The following GAP43 variants were observed in gnomAD, a reference collection of about 807,000 sequenced individuals.
The protein encoded by GAP43 is growth associated protein 43, also known as neuromodulin.
GAP43 carries 6 observed loss-of-function variants against 18.6 expected under a neutral mutation model. The observed-to-expected ratio is 0.32, with a 90% confidence interval of 0.18 to 0.64. The LOEUF is 0.64. Ranked by LOEUF, GAP43 falls within the 30% of genes least tolerant of loss-of-function variation. The pLI is 0.78. For synonymous variants in GAP43, 115 were observed against 111.4 expected (o/e 1.03, Z -0.20); for missense variants, 292 against 295.5 (o/e 0.99, Z 0.09).
rs778927798 is a variant in GAP43 at position 115,720,858 on chromosome 3, T to C, written c.693T>C (p.Pro231=). 14 of 1,612,584 alleles carry C rather than the reference T, an allele frequency of 8.7e-6. No homozygotes were observed. In the Middle Eastern group the frequency reaches 2.0e-3, roughly 229 times the overall value. The change falls in exon 3 of 3, where the codon CCT becomes CCC. Residue 231 remains proline (P), a synonymous_variant. Transcript: ENST00000305124. ...ARQDEGKEEE[P]EADQEHA ...AGGACGAGGGTAAAGAAGAGGAACCTGAGGCTGACCAAGAACATGCCTGAA... is the reference window on the plus strand; with the variant it reads ...AGGACGAGGGTAAAGAAGAGGAACCCGAGGCTGACCAAGAACATGCCTGAA...
chr3:115,696,716 C>G (rs763578172), intron 2 of GAP43, among the ~76,000 whole-genome samples: 1 of 151,972 alleles, frequency 6.6e-6, no homozygotes, highest in African/African-American at 2.4e-5. Context: ...TCAGATATCA[C>G]CTTCTCAAAG....
In GAP43 at chr3:115,698,066, T is replaced by TAA. The variant is rs1709225308; in HGVS notation, c.628+21456_628+21457insAA. ...TATTATATATTATATAAAATATATA[T>TAA]TATATATAATATATAAAATATGTAT... On this transcript the variant is annotated intron_variant, in intron 2 of 2. Coordinates refer to ENST00000305124, the MANE Select transcript of GAP43 (RefSeq NM_002045.4). 6.9e-5 allele frequency among the ~76,000 whole-genome samples: 4 copies of TAA among 58,152 alleles called. No individual in the cohort carries two copies. In the Admixed American group the frequency reaches 1.0e-3, roughly 15 times the overall value. 38.1% of individuals were successfully genotyped at this position (58,152 alleles called of 152,430 possible).
chr3:115,706,758 C>G lies in GAP43; in HGVS notation c.629-14036C>G, dbSNP rs142314700. 6.6e-5 allele frequency among the ~76,000 whole-genome samples: 10 copies of G among 152,226 alleles called. 1 individual carries two copies. In the East Asian group the frequency reaches 1.9e-3, roughly 29 times the overall value. On this transcript the variant is annotated intron_variant, in intron 2 of 2. Coordinates refer to ENST00000305124, the MANE Select transcript of GAP43 (RefSeq NM_002045.4). ...ACTATTCTTTTTTTCACTCCACAAG[C>G]AGAAACTTTACAAGTCAGAGACTCT...
At chr3:115,662,512 A>C (rs976258440) in intron 1 of GAP43, among the ~76,000 whole-genome samples, 1 of 152,160 alleles carries the variant, frequency 6.6e-6, no homozygotes, top group South Asian at 2.1e-4. Context: ...AACCACAGAG[A>C]GAGTTGGCTA....
intron 1 of GAP43, among the ~76,000 whole-genome samples, chr3:115,668,502 G>T (rs528313810): frequency 1.3e-5 from 2 of 152,080 alleles, no homozygotes; most frequent in African/African-American, 4.8e-5. Context: ...TCAGCTCATC[G>T]CAACCTCCGC....
chr3:115,684,271 G>A (rs1709006508), intron 2 of GAP43, among the ~76,000 whole-genome samples: 1 of 151,924 alleles, frequency 6.6e-6, no homozygotes, highest in Non-Finnish European at 1.5e-5. Context: ...TTGGAATTTG[G>A]AATAGAAACC....
chr3:115,696,717 CT>C (rs925581050), intron 2 of GAP43, among the ~76,000 whole-genome samples: 3 of 151,994 alleles, frequency 2.0e-5, no homozygotes, highest in African/African-American at 7.3e-5. Context: ...CAGATATCAC[CT>C]TCTCAAAGCA....
intron 2 of GAP43, among the ~76,000 whole-genome samples, chr3:115,716,283 T>C (rs1341809199): frequency 6.6e-6 from 1 of 152,190 alleles, no homozygotes; most frequent in Non-Finnish European, 1.5e-5. Context: ...CCCTCTGATA[T>C]TCAGGCTTAA....
chr3:115,701,345 T>G (rs72943781), intron 2 of GAP43, among the ~76,000 whole-genome samples: 5,736 of 152,126 alleles, frequency 0.038, 337 homozygotes, highest in African/African-American at 0.13. Context: ...TTCAGGTGAG[T>G]TCTGTACCTG....
chr3:115,706,967 A>T (rs1709372570), intron 2 of GAP43, among the ~76,000 whole-genome samples: 1 of 152,192 alleles, frequency 6.6e-6, no homozygotes, highest in South Asian at 2.1e-4. Context: ...TATGAGGTAG[A>T]TATTATTATT....
chr3:115,695,913 C>G (rs1709182420), intron 2 of GAP43, among the ~76,000 whole-genome samples: 1 of 152,136 alleles, frequency 6.6e-6, no homozygotes, highest in South Asian at 2.1e-4. Context: ...AGGATGTTGC[C>G]TATTCTGATT....
intron 2 of GAP43, among the ~76,000 whole-genome samples, chr3:115,703,132 A>G (rs1709316514): frequency 6.6e-6 from 1 of 152,136 alleles, no homozygotes; most frequent in Non-Finnish European, 1.5e-5. Context: ...AAAAGGCCTT[A>G]GGATTGGGAA....
At chr3:115,666,665 T>C (rs1708737615) in intron 1 of GAP43, among the ~76,000 whole-genome samples, 1 of 152,174 alleles carries the variant, frequency 6.6e-6, no homozygotes, top group Non-Finnish European at 1.5e-5. Flanking sequence ...ATGAGGAGCC[T>C]AAAGCTGACT....
At chr3:115,709,730 G>GA (rs1305519852) in intron 2 of GAP43, among the ~76,000 whole-genome samples, 3 of 151,890 alleles carry the variant, frequency 2.0e-5, no homozygotes, top group Admixed American at 6.6e-5. Flanking sequence ...ATGCTAATAT[G>GA]AAAAAAGGTT....
chr3:115,702,010 G>T (rs538644123), intron 2 of GAP43, among the ~76,000 whole-genome samples: 2 of 152,190 alleles, frequency 1.3e-5, no homozygotes, highest in Admixed American at 6.6e-5. Flanking sequence ...GGGAGAGAGG[G>T]TTTTAAATTT....
intron 1 of GAP43, among the ~76,000 whole-genome samples, chr3:115,627,499 A>T (rs1215240133): frequency 1.3e-5 from 2 of 151,462 alleles, no homozygotes; most frequent in Non-Finnish European, 2.9e-5. Context: ...TGAAATTGCC[A>T]GTGTTATTCC....
chr3:115,712,959 C>T (rs1394412346), intron 2 of GAP43, among the ~76,000 whole-genome samples: 2 of 152,112 alleles, frequency 1.3e-5, no homozygotes, highest in Admixed American at 6.5e-5. Flanking sequence ...ATGTTACTTG[C>T]ATAATTCTCC....
chr3:115,626,767 C>G (rs1156275848), intron 1 of GAP43, among the ~76,000 whole-genome samples: 1 of 152,100 alleles, frequency 6.6e-6, no homozygotes, highest in East Asian at 1.9e-4. Flanking sequence ...CCCCAGCCCC[C>G]CATCCATGCC....
chr3:115,708,036 CAT>C (rs1709387330), intron 2 of GAP43, among the ~76,000 whole-genome samples: 1 of 151,816 alleles, frequency 6.6e-6, no homozygotes, highest in Non-Finnish European at 1.5e-5. Context: ...CACACACACA[CAT>C]ATATACCAAG....
Sources: gnomAD v4.1 joint callset for allele counts (sites outside exome capture counted in the v4.1 genomes callset) on GRCh38, gnomAD v4.1.1 for gene constraint, MANE v1.5 for transcripts, NCBI Gene and HGNC (gene_info 2026-07-23, HGNC 2026-07-21) for gene names.